Variants in PRPF39 observed in about 807,000 individuals in gnomAD.
The protein encoded by PRPF39 is pre-mRNA-processing factor 39.
PRPF39 carries 27 observed loss-of-function variants against 82.1 expected under a neutral mutation model. The ratio of observed to expected loss-of-function variants is 0.33; its 90% CI spans 0.24 to 0.45. PRPF39 has a LOEUF of 0.45. Ranked by LOEUF, PRPF39 falls within the 20% of genes least tolerant of loss-of-function variation. PRPF39 has a pLI of 1.00. For synonymous variants in PRPF39, 261 were observed against 256.4 expected, an observed-to-expected ratio of 1.02 and a Z score of -0.17; for missense variants, 581 against 796.9, an observed-to-expected ratio of 0.73 and a Z score of 3.26.
At chr14:45,084,672 C>T (rs1883765153) in intron 1 of PRPF39, among the ~76,000 whole-genome samples, 2 of 152,110 alleles carry the variant, frequency 1.3e-5, no homozygotes, top group Non-Finnish European at 2.9e-5. Flanking sequence ...ATGTGAGCGC[C>T]TTGTAGGGCA....
chr14:45,094,544 GC>G (rs1884139880), intron 1 of PRPF39, among the ~76,000 whole-genome samples: 1 of 152,088 alleles, frequency 6.6e-6, no homozygotes, highest in African/African-American at 2.4e-5. Context: ...TGGGACTGCA[GC>G]TGTGTGCCAC....
intron 1 of PRPF39, among the ~76,000 whole-genome samples, chr14:45,087,893 G>A (rs899830587): frequency 1.3e-5 from 2 of 151,972 alleles, no homozygotes; most frequent in East Asian, 1.9e-4. Flanking sequence ...GGCCTCATAA[G>A]TGTTCTTCTG....
At chr14:45,086,846 G>GTTTTT (rs57666854) in intron 1 of PRPF39, among the ~76,000 whole-genome samples, 5 of 118,444 alleles carry the variant, frequency 4.2e-5, no homozygotes, top group South Asian at 5.9e-4. Context: ...GTGTTTCTCA[G>GTTTTT]TTTTTTTTTT....
intron 4 of PRPF39, among the ~76,000 whole-genome samples, chr14:45,100,318 G>C (rs1405961382): frequency 6.6e-6 from 1 of 152,182 alleles, no homozygotes; most frequent in African/African-American, 2.4e-5. Context: ...TTGTCAGTTG[G>C]CCTATGGTGT....
At position 45,095,449 on chromosome 14, in the gene PRPF39, G is replaced by A. The variant is rs750435212; in HGVS notation, c.210G>A (p.Leu70=). The change falls in exon 2 of 14, where the codon CTG becomes CTA. Residue 70 remains leucine, a synonymous_variant. Transcript: ENST00000355765. The part of the protein sequence containing the change: ...MASAVDLPVT[L]TETEANFPPE... ...GTGCTGTGGACCTTCCAGTGACGCT[G>A]ACAGAAACAGAAGCAAATTTCCCTC... The A allele has an allele frequency of 6.2e-7, 1 of 1,613,958 alleles. No individual in the cohort carries two copies. The highest frequency in any genetic ancestry group is 8.5e-7 in the Non-Finnish European group (1 of 1,179,876).
At chr14:45,096,865 C>T (rs2139045815) in intron 3 of PRPF39, 22 bp from the exon 4 acceptor site, 1 of 1,539,748 alleles carries the variant, frequency 6.5e-7, no homozygotes, top group Non-Finnish European at 8.8e-7. Context: ...ATTTGAAGTA[C>T]AGTTTGCTGT....
chr14:45,107,636 A>T lies in PRPF39; in HGVS notation c.903+20A>T, dbSNP rs1446997645. On this transcript the variant is annotated intron_variant, in intron 6 of 13. Transcript: ENST00000355765. ...GCAAAGGTAACCAGTCTTATTCTAAAGTTCGTCAGTGGCCAGGTATGGTGG... is the reference window on the plus strand; with the variant it reads ...GCAAAGGTAACCAGTCTTATTCTAATGTTCGTCAGTGGCCAGGTATGGTGG... 1.9e-6 allele frequency: 3 copies of T among 1,546,774 alleles called. No homozygotes were observed. Among genetic ancestry groups the T allele is most frequent in the Non-Finnish European group, 2.6e-6 (3 of 1,143,248 alleles).
intron 1 of PRPF39, among the ~76,000 whole-genome samples, chr14:45,091,714 C>T (rs1385686683): frequency 6.6e-6 from 1 of 151,888 alleles, no homozygotes; most frequent in African/African-American, 2.4e-5. Context: ...TTTACTTACT[C>T]ATAGTTAAGG....
chr14:45,087,664 C>T (rs749709151), intron 1 of PRPF39, among the ~76,000 whole-genome samples: 1 of 151,860 alleles, frequency 6.6e-6, no homozygotes. Context: ...ACCTCCGCCT[C>T]CTGGGTTCAC....
intron 1 of PRPF39, among the ~76,000 whole-genome samples, chr14:45,094,480 G>A (rs1884137451): frequency 6.6e-6 from 1 of 152,064 alleles, no homozygotes; most frequent in African/African-American, 2.4e-5. Flanking sequence ...GCTTACAGCA[G>A]CCTTGAACTT....
In PRPF39 at chr14:45,115,203, C is replaced by G. The variant is rs1884801457; in HGVS notation, c.*290C>G. On this transcript the variant is annotated 3_prime_UTR_variant, in exon 14 of 14. Coordinates refer to ENST00000355765, the MANE Select transcript of PRPF39 (RefSeq NM_017922.4). ...TGCATTTGCAACAGAATTTTGTAGC[C>G]TTAAGGGGTAGGAAGAAAAACCTGA... The G allele has an allele frequency of 5.0e-6, 1 of 199,166 alleles. No individual in the cohort carries two copies. The highest frequency in any genetic ancestry group is 5.6e-5 in the Admixed American group (1 of 17,974). 12.3% of individuals were successfully genotyped at this position (199,166 alleles called of 1,614,324 possible).
chr14:45,106,805 A>G (rs1348546856), intron 5 of PRPF39, among the ~76,000 whole-genome samples: 4 of 152,170 alleles, frequency 2.6e-5, no homozygotes, highest in Non-Finnish European at 5.9e-5. Context: ...TAGGGCAGGT[A>G]AGAAGGGGAA....
At chr14:45,104,913 G>T (rs1290361886) in intron 5 of PRPF39, among the ~76,000 whole-genome samples, 1 of 152,058 alleles carries the variant, frequency 6.6e-6, no homozygotes, top group African/African-American at 2.4e-5. Context: ...ACACAGTTTT[G>T]TGTCTTCTCT....
rs1219240680 is a variant in PRPF39, at chr14:45,092,340, C to CAGCCACCGGCTGTGCACGGCAAA, written c.-19-2881_-19-2880insAGCCACCGGCTGTGCACGGCAAA. On this transcript the variant is annotated intron_variant, in intron 1 of 13. Coordinates refer to ENST00000355765, the MANE Select transcript of PRPF39 (RefSeq NM_017922.4). ...AGCATCGGCTGTGCACGGTGGCTCA[C>CAGCCACCGGCTGTGCACGGCAAA]GCCTATAATCCCAGCGCTTTGGGAG... is the stretch of plus-strand genomic sequence containing the variant. Among the ~76,000 whole-genome samples, 3 of 152,022 alleles carry CAGCCACCGGCTGTGCACGGCAAA rather than the reference C, an allele frequency of 2.0e-5. No homozygotes were observed. The East Asian group carries it at 5.8e-4, about 29-fold the overall frequency.
intron 4 of PRPF39, among the ~76,000 whole-genome samples, chr14:45,102,163 C>G (rs938209576): frequency 6.6e-6 from 1 of 152,162 alleles, no homozygotes; most frequent in Admixed American, 6.5e-5. Context: ...AAATTTGCCT[C>G]TCTTTAACTT....
At chr14:45,087,469 T>C (rs559691990) in intron 1 of PRPF39, among the ~76,000 whole-genome samples, 2 of 152,254 alleles carry the variant, frequency 1.3e-5, no homozygotes, top group Admixed American at 1.3e-4. Flanking sequence ...GATCATTCAT[T>C]TTTATACCGA....
chr14:45,104,486 C>CT (rs1182401803), intron 5 of PRPF39, among the ~76,000 whole-genome samples: 1 of 151,762 alleles, frequency 6.6e-6, no homozygotes, highest in Non-Finnish European at 1.5e-5. Context: ...TTAGCATTTG[C>CT]TGTGTACCTG....
chr14:45,095,216 C>T lies in PRPF39; in HGVS notation c.-19-5C>T, dbSNP rs1375116239. The stretch of plus-strand genomic sequence containing the variant: ...GATATTTCTCTTTTTTTCGTGTTTC[C>T]ACAGATCGTTAACTGAAGACAATAT... On this transcript the variant is annotated splice_region_variant and splice_polypyrimidine_tract_variant and intron_variant, in intron 1 of 13. Coordinates refer to ENST00000355765, the MANE Select transcript of PRPF39 (RefSeq NM_017922.4). 2.0e-6 allele frequency: 3 copies of T among 1,512,460 alleles called. No homozygotes were observed. The highest frequency in any genetic ancestry group is 1.2e-5 in the South Asian group (1 of 81,816). 93.7% of individuals were successfully genotyped at this position (1,512,460 alleles called of 1,614,324 possible). A position where few individuals can be genotyped will look rare whatever the true frequency, so the allele number is the denominator to read the frequency against.
Position 45,085,847 on chromosome 14 carries a change from C to T in PRPF39, c.-20+1598C>T, listed in dbSNP as rs539375629. 2.0e-4 allele frequency among the ~76,000 whole-genome samples: 30 copies of T among 151,510 alleles called. 1 individual carries two copies. The South Asian group carries it at 4.0e-3, about 20-fold the overall frequency. ...AACTCCTTTCAGTCTTTAGTGATGA[C>T]TTCAGATTTTTATATATTGCTGTGT... On this transcript the variant is annotated intron_variant, in intron 1 of 13. Transcript: ENST00000355765.
Sources: allele counts gnomAD v4.1 joint callset (sites outside exome capture counted in the v4.1 genomes callset), GRCh38; gene constraint gnomAD v4.1.1; transcripts MANE v1.5; gene names NCBI Gene and HGNC (gene_info 2026-07-23, HGNC 2026-07-21).